Variants in GYS2 observed in about 807,000 individuals in gnomAD.
GYS2 encodes the protein glycogen synthase 2.
A neutral mutation model predicts 85.6 loss-of-function variants in GYS2; 80 were observed. The ratio of observed to expected loss-of-function variants is 0.93; its 90% CI spans 0.78 to 1.13. The LOEUF is 1.13. Among genes scored for constraint, GYS2 ranks in the 50% most tolerant of loss-of-function variants. The pLI is 0.00. For synonymous variants in GYS2, 328 were observed against 300.7 expected, an observed-to-expected ratio of 1.09 and a Z score of -0.94; for missense variants, 881 against 854.9, an observed-to-expected ratio of 1.03 and a Z score of -0.38.
chr12:21,548,588 A>T (rs1191198766), intron 11 of GYS2, among the ~76,000 whole-genome samples: 2 of 152,188 alleles, frequency 1.3e-5, no homozygotes, highest in African/African-American at 4.8e-5. Flanking sequence ...TGGTTCACAA[A>T]GCTTCTGAAC....
intron 1 of GYS2, among the ~76,000 whole-genome samples, chr12:21,584,872 G>A (rs1373387907): frequency 1.3e-5 from 2 of 152,160 alleles, no homozygotes; most frequent in Non-Finnish European, 2.9e-5. Flanking sequence ...CTCACTTTAT[G>A]GCTAAAGAAG....
chr12:21,586,714 C>T (rs1944578695), intron 1 of GYS2, among the ~76,000 whole-genome samples: 1 of 152,092 alleles, frequency 6.6e-6, no homozygotes, highest in Non-Finnish European at 1.5e-5. Context: ...AATGCTTATA[C>T]ACTGTTGGTA....
intron 1 of GYS2, among the ~76,000 whole-genome samples, chr12:21,584,550 A>G (rs1944551674): frequency 6.6e-6 from 1 of 152,204 alleles, no homozygotes; most frequent in African/African-American, 2.4e-5. Flanking sequence ...GCTCAGCAAC[A>G]TGGACTTCCA....
chr12:21,580,568 T>G, intron 1 of GYS2, 45 bp from the exon 2 acceptor site: 1 of 1,409,906 alleles, frequency 7.1e-7, no homozygotes, highest in East Asian at 2.3e-5. Flanking sequence ...GGTTAGCAAT[T>G]TGTTTAAAGT....
At chr12:21,603,093 G>A (rs1944771399) in intron 1 of GYS2, among the ~76,000 whole-genome samples, 1 of 152,036 alleles carries the variant, frequency 6.6e-6, no homozygotes, top group South Asian at 2.1e-4. Context: ...AACTGGACTG[G>A]AAAAATTTGT....
intron 1 of GYS2, among the ~76,000 whole-genome samples, chr12:21,600,610 T>C (rs554680862): frequency 6.6e-6 from 1 of 152,282 alleles, no homozygotes; most frequent in East Asian, 1.9e-4. Flanking sequence ...AGTATTAAAC[T>C]TTAGAGCAGT....
Position 21,580,382 on chromosome 12 carries a change from A to C in GYS2, c.263T>G (p.Val88Gly). ...VEQCEPVNDA[V>G]RRAVDAMNKH... The stretch of plus-strand genomic sequence containing the variant: ...ATTCATTGCGTCCACTGCTCTTCTG[A>C]CAGCATCATTTACAGGTTCACACTG... Residue 88 changes from valine to glycine, a missense_variant, in exon 2 of 16, where the codon GTC becomes GGC. Transcript: ENST00000261195. 1.2e-6 allele frequency: 2 copies of C among 1,613,914 alleles called. No homozygotes were observed.
chr12:21,563,577 C>T (rs1436402285), intron 5 of GYS2, among the ~76,000 whole-genome samples: 1 of 152,070 alleles, frequency 6.6e-6, no homozygotes, highest in Non-Finnish European at 1.5e-5. Context: ...ACCAAAATAA[C>T]AATGAAGCAC....
intron 1 of GYS2, among the ~76,000 whole-genome samples, chr12:21,586,018 A>G (rs1272887105): frequency 6.6e-6 from 1 of 152,138 alleles, no homozygotes; most frequent in East Asian, 1.9e-4. Context: ...TGTGATGGTT[A>G]ATACTGAGTG....
intron 4 of GYS2, among the ~76,000 whole-genome samples, chr12:21,569,788 C>T (rs1944365166): frequency 6.6e-6 from 1 of 152,172 alleles, no homozygotes; most frequent in Non-Finnish European, 1.5e-5. Context: ...TTTTTAGTAG[C>T]TCTTCAGCAC....
Position 21,563,220 on chromosome 12 carries a change from A to G in GYS2, c.941+8T>C, listed in dbSNP as rs757487189. Reference sequence around the variant, plus strand: ...ACTTCTTTTTCTTTTTAATAAAGAAAATCATACCCATAGAAATGACCTCGA... The same window carrying G: ...ACTTCTTTTTCTTTTTAATAAAGAAGATCATACCCATAGAAATGACCTCGA... On this transcript the variant is annotated splice_region_variant and intron_variant, in intron 6 of 15. Coordinates refer to ENST00000261195, the MANE Select transcript of GYS2 (RefSeq NM_021957.4). 6.6e-7 allele frequency: 1 copy of G among 1,507,352 alleles called. No homozygotes were observed. Among genetic ancestry groups the G allele is most frequent in the South Asian group, 1.1e-5 (1 of 88,814 alleles). 93.4% of individuals were successfully genotyped at this position (1,507,352 alleles called of 1,614,324 possible). A position where few individuals can be genotyped will look rare whatever the true frequency, so the allele number is the denominator to read the frequency against.
intron 7 of GYS2, among the ~76,000 whole-genome samples, chr12:21,562,330 T>C (rs1944263577): frequency 6.6e-6 from 1 of 152,056 alleles, no homozygotes. Context: ...CCCTGTTCTA[T>C]AGAGAGTTCG....
intron 13 of GYS2, among the ~76,000 whole-genome samples, chr12:21,541,283 A>C (rs12301058): frequency 6.9e-6 from 1 of 144,446 alleles, no homozygotes; most frequent in African/African-American, 2.6e-5. Context: ...AAAAAAAAAA[A>C]AAAAAAAACA....
chr12:21,545,612 C>T lies in GYS2; in HGVS notation c.1549+732G>A, dbSNP rs190108152. 4.6e-5 allele frequency among the ~76,000 whole-genome samples: 7 copies of T among 152,254 alleles called. No homozygotes were observed. In the East Asian group the frequency reaches 1.3e-3, roughly 29 times the overall value. ...TTTCAGTACAAGTACAAATTGGTCG[C>T]TCTTGATGCTAATGGCAACCATGCC... On this transcript the variant is annotated intron_variant, in intron 12 of 15. Coordinates refer to ENST00000261195, the MANE Select transcript of GYS2 (RefSeq NM_021957.4).
chr12:21,567,833 G>A (rs1050087637), intron 5 of GYS2, among the ~76,000 whole-genome samples: 1 of 152,096 alleles, frequency 6.6e-6, no homozygotes, highest in Non-Finnish European at 1.5e-5. Context: ...CCAGCACTTT[G>A]GGAGGCCAAG....
chr12:21,557,944 C>T (rs1286495949), intron 11 of GYS2, among the ~76,000 whole-genome samples: 1 of 152,096 alleles, frequency 6.6e-6, no homozygotes. Flanking sequence ...TTTCCTTATG[C>T]TTATTAGCAG....
chr12:21,593,796 A>T (rs1944665782), intron 1 of GYS2, among the ~76,000 whole-genome samples: 1 of 152,064 alleles, frequency 6.6e-6, no homozygotes, highest in African/African-American at 2.4e-5. Context: ...ATAACCAGAC[A>T]AGGATGCAAG....
chr12:21,576,111 C>A, intron 2 of GYS2, 54 bp from the exon 3 acceptor site: 1 of 1,395,046 alleles, frequency 7.2e-7, no homozygotes, highest in Admixed American at 1.7e-5. Flanking sequence ...CAAGACAGGA[C>A]AATGTATTTG....
At position 21,563,268 on chromosome 12, in the gene GYS2, T is replaced by C. The variant is rs1374253512; in HGVS notation, c.901A>G (p.Lys301Glu). ...HEFQNLHAMYKARIQDFVRGH... is the reference protein window; with the variant it reads ...HEFQNLHAMYEARIQDFVRGH... ...CGAACAAAATCTTGGATTCTGGCCT[T>C]GTACATGGCATGTAGATTTTGAAAC... The change falls in exon 6 of 16, where the codon AAG becomes GAG. Residue 301 changes from lysine to glutamate, a missense_variant. Lys to Glu is a moderately conservative substitution (Grantham distance 56). Coordinates refer to ENST00000261195, the MANE Select transcript of GYS2 (RefSeq NM_021957.4). 2 of 1,612,322 alleles carry C rather than the reference T, an allele frequency of 1.2e-6. No homozygotes were observed. Among genetic ancestry groups the C allele is most frequent in the Non-Finnish European group, 1.7e-6 (2 of 1,178,402 alleles).
Sources: gnomAD v4.1 joint callset for allele counts (sites outside exome capture counted in the v4.1 genomes callset) on GRCh38, gnomAD v4.1.1 for gene constraint, MANE v1.5 for transcripts, NCBI Gene and HGNC (gene_info 2026-07-23, HGNC 2026-07-21) for gene names.